SDHAF3: variants seen among roughly 807,000 people sequenced by gnomAD.
SDHAF3 encodes succinate dehydrogenase assembly factor 3, mitochondrial.
SDHAF3 carries 18 observed loss-of-function variants against 11.5 expected under a neutral mutation model. The ratio of observed to expected loss-of-function variants is 1.56; its 90% CI spans 1.08 to 2.32. SDHAF3 has a LOEUF of 2.32. SDHAF3 is among the 30% of genes most tolerant of loss of function. The probability of loss-of-function intolerance (pLI) is 0.00; values close to 1 mark genes in which losing one functional copy is unlikely to be tolerated. For synonymous variants in SDHAF3, 72 were observed against 59.3 expected, an observed-to-expected ratio of 1.21 and a Z score of -0.99; for missense variants, 200 against 154.4, an observed-to-expected ratio of 1.30 and a Z score of -1.57.
chr7:97,166,181 AC>A, intron 1 of SDHAF3, among the ~76,000 whole-genome samples: 1 of 152,286 alleles, frequency 6.6e-6, no homozygotes, highest in South Asian at 2.1e-4. Context: ...AAACCAATTA[AC>A]TTAGTAGTTT....
chr7:97,139,293 CT>C (rs895791948), intron 1 of SDHAF3, among the ~76,000 whole-genome samples: 1 of 152,172 alleles, frequency 6.6e-6, no homozygotes, highest in African/African-American at 2.4e-5. Flanking sequence ...GGTCCCCCAC[CT>C]GAAGGTGGGT....
chr7:97,176,250 G>A (rs1437514780), intron 1 of SDHAF3, among the ~76,000 whole-genome samples: 2 of 152,114 alleles, frequency 1.3e-5, no homozygotes, highest in African/African-American at 4.8e-5. Flanking sequence ...GTCTCTCTTC[G>A]ACAGCTTTCT....
At chr7:97,135,982 C>G (rs190265446) in intron 1 of SDHAF3, among the ~76,000 whole-genome samples, 2 of 151,788 alleles carry the variant, frequency 1.3e-5, no homozygotes, top group African/African-American at 2.4e-5. Context: ...CCACCATGCC[C>G]GGGCTAGTCC....
chr7:97,121,438 C>T (rs1401861873), intron 1 of SDHAF3, among the ~76,000 whole-genome samples: 2 of 152,104 alleles, frequency 1.3e-5, no homozygotes, highest in Non-Finnish European at 2.9e-5. Context: ...TGTCTCTTGC[C>T]TAGTTCCTGT....
At chr7:97,138,468 T>C (rs1443321298) in intron 1 of SDHAF3, among the ~76,000 whole-genome samples, 3 of 152,272 alleles carry the variant, frequency 2.0e-5, no homozygotes, top group African/African-American at 4.8e-5. Context: ...CCAGCCCTCA[T>C]TGGCTTTTGA....
chr7:97,126,424 C>T (rs996656605), intron 1 of SDHAF3, among the ~76,000 whole-genome samples: 3 of 152,224 alleles, frequency 2.0e-5, no homozygotes, highest in African/African-American at 7.2e-5. Context: ...ACAGCTGCCC[C>T]TTCCCCCAGG....
chr7:97,142,271 T>C (rs1308965854), intron 1 of SDHAF3, among the ~76,000 whole-genome samples: 1 of 151,826 alleles, frequency 6.6e-6, no homozygotes, highest in African/African-American at 2.4e-5. Context: ...GCCAGGCTGG[T>C]CTCAAACTCC....
rs532957218 is a variant in SDHAF3 at position 97,134,587 on chromosome 7, C to G, written c.174+16690C>G. On this transcript the variant is annotated intron_variant, in intron 1 of 1. Coordinates refer to ENST00000432641, the MANE Select transcript of SDHAF3 (RefSeq NM_020186.3). The stretch of plus-strand genomic sequence containing the variant: ...TCAGCCCCCCAAGTAGCTGGTATTA[C>G]AAGTGCCTGCCAACATGCCTGGCTA... 2.6e-5 allele frequency among the ~76,000 whole-genome samples: 4 copies of G among 152,258 alleles called. No homozygotes were observed. In the East Asian group the frequency reaches 7.7e-4, roughly 29 times the overall value.
At chr7:97,168,329 T>A (rs1246891475) in intron 1 of SDHAF3, among the ~76,000 whole-genome samples, 1 of 152,228 alleles carries the variant, frequency 6.6e-6, no homozygotes, top group Non-Finnish European at 1.5e-5. Context: ...TCCAGCTGCA[T>A]GAGTCTGAAA....
At chr7:97,135,668 G>GTGTGTGTA (rs1491487810) in intron 1 of SDHAF3, 1 of 63,916 alleles carries the variant, frequency 1.6e-5, no homozygotes, top group African/African-American at 7.1e-5. Flanking sequence ...GTGTGTGTGT[G>GTGTGTGTA]TATATATATA....
intron 1 of SDHAF3, among the ~76,000 whole-genome samples, chr7:97,119,977 G>A (rs1455422445): frequency 6.6e-6 from 1 of 152,132 alleles, no homozygotes; most frequent in African/African-American, 2.4e-5. Context: ...TGATCACTTG[G>A]TTAAAGTAAT....
At chr7:97,153,158 G>A (rs915659825) in intron 1 of SDHAF3, among the ~76,000 whole-genome samples, 4 of 152,200 alleles carry the variant, frequency 2.6e-5, no homozygotes, top group Non-Finnish European at 4.4e-5. Flanking sequence ...TTAAAGTCAC[G>A]ATGCAGTTGA....
intron 1 of SDHAF3, 36 bp from the exon 2 acceptor site, chr7:97,180,976 C>CTTTA: frequency 1.3e-6 from 2 of 1,543,336 alleles, no homozygotes; most frequent in Non-Finnish European, 1.8e-6. Context: ...ATTATTTAAA[C>CTTTA]TTTACATCTA....
intron 1 of SDHAF3, among the ~76,000 whole-genome samples, chr7:97,148,083 C>T (rs1033536519): frequency 2.6e-5 from 4 of 151,788 alleles, no homozygotes; most frequent in Non-Finnish European, 5.9e-5. Context: ...TTTGTAGAGA[C>T]GGGGTTTCAC....
intron 1 of SDHAF3, among the ~76,000 whole-genome samples, chr7:97,126,846 A>G (rs1024514864): frequency 1.5e-4 from 9 of 59,408 alleles, no homozygotes; most frequent in South Asian, 1.2e-3. Flanking sequence ...TGGAGTACCG[A>G]AAAAAAAAAA....
intron 1 of SDHAF3, among the ~76,000 whole-genome samples, chr7:97,145,169 A>C (rs1489642314): frequency 6.6e-6 from 1 of 151,508 alleles, no homozygotes; most frequent in Non-Finnish European, 1.5e-5. Flanking sequence ...GTATCTGGAA[A>C]CTTTGCTGAA....
chr7:97,127,897 GTTTTTT>G (rs920829054), intron 1 of SDHAF3, among the ~76,000 whole-genome samples: 1 of 106,262 alleles, frequency 9.4e-6, no homozygotes, highest in Non-Finnish European at 1.8e-5. Flanking sequence ...TCTACATCAA[GTTTTTT>G]TTTTTTTTTT....
intron 1 of SDHAF3, among the ~76,000 whole-genome samples, chr7:97,144,124 T>G (rs1789100683): frequency 6.6e-6 from 1 of 152,224 alleles, no homozygotes; most frequent in African/African-American, 2.4e-5. Context: ...CATCGGCCTT[T>G]TGTATATCTT....
chr7:97,154,173 TGGGGGAGATTACAAAGAACCTTCTTAAGG>T, intron 1 of SDHAF3, among the ~76,000 whole-genome samples: 1 of 130,494 alleles, frequency 7.7e-6, no homozygotes, highest in Admixed American at 9.6e-5. Context: ...TTCTTAAGGG[TGGGGGAGATTACAAAGAACCTTCTTAAGG>T]GTGGGGGAGA....
Sources: gnomAD v4.1 joint callset for allele counts (sites outside exome capture counted in the v4.1 genomes callset) on GRCh38, gnomAD v4.1.1 for gene constraint, MANE v1.5 for transcripts, NCBI Gene and HGNC (gene_info 2026-07-23, HGNC 2026-07-21) for gene names.